Variants in CD37 observed in about 807,000 individuals in gnomAD.
CD37 encodes the protein CD37 molecule, also known as leukocyte antigen CD37.
A neutral mutation model predicts 38.9 loss-of-function variants in CD37; 37 were observed. The ratio of observed to expected loss-of-function variants is 0.95; its 90% CI spans 0.73 to 1.25. CD37 has a LOEUF of 1.25. Among genes scored for constraint, CD37 ranks in the 50% most tolerant of loss-of-function variants. CD37 has a pLI of 0.00. For synonymous variants in CD37, 146 were observed against 150.1 expected, an observed-to-expected ratio of 0.97 and a Z score of 0.20; for missense variants, 351 against 360.1, an observed-to-expected ratio of 0.97 and a Z score of 0.20.
Position 49,337,920 on chromosome 19 carries a change from C to T in CD37, c.343-5C>T, listed in dbSNP as rs1192463315. The stretch of plus-strand genomic sequence containing the variant: ...TAAGGCCCAGCCTCACTGGTGGCCT[C>T]TCAGCTGGAGCGAAGCTTGCGGGAC... On this transcript the variant is annotated splice_region_variant and splice_polypyrimidine_tract_variant and intron_variant, in intron 4 of 7. Coordinates refer to ENST00000323906, the MANE Select transcript of CD37 (RefSeq NM_001774.3). 6.2e-7 allele frequency: 1 copy of T among 1,614,050 alleles called. No individual in the cohort carries two copies. The highest frequency in any genetic ancestry group is 1.7e-5 in the Admixed American group (1 of 60,010).
In CD37 at chr19:49,339,013, G is replaced by A. The variant is rs1971076075; in HGVS notation, c.684+77G>A. 8.3e-7 allele frequency: 1 copy of A among 1,201,732 alleles called. No individual in the cohort carries two copies. The highest frequency in any genetic ancestry group is 1.2e-6 in the Non-Finnish European group (1 of 823,820). The allele number at this position is 1,201,732 out of a possible 1,614,324, so 74.4% of individuals were successfully genotyped here. ...AGGGGGAGGGCTGTCAGTGAGTAGC[G>A]GCCTGAGAAAGGGCGGGGTCTACGA... On this transcript the variant is annotated intron_variant, in intron 6 of 7. Transcript: ENST00000323906. The surrounding 1 kb of genome is among the most constrained non-coding windows in gnomAD (Gnocchi z 4.5).
intron 7 of CD37, chr19:49,340,019 C>T: frequency 6.8e-7 from 1 of 1,473,018 alleles, no homozygotes; most frequent in Non-Finnish European, 9.0e-7. Context: ...GGGCTTGCTT[C>T]CGACCTTACT....
intron 7 of CD37, 56 bp from the exon 8 acceptor site, chr19:49,340,194 AC>A: frequency 2.0e-6 from 3 of 1,529,216 alleles, no homozygotes. Context: ...GGTGGGCATC[AC>A]CCCCGTCTCG....
chr19:49,335,669 T>C lies in CD37; in HGVS notation c.70-45T>C. The C allele has an allele frequency of 6.2e-7, 1 of 1,611,380 alleles. No individual in the cohort carries two copies. The highest frequency in any genetic ancestry group is 8.5e-7 in the Non-Finnish European group (1 of 1,177,620). ...GCCCCTGCCGCTAACCCAGCCCTCA[T>C]CTTCCCCTGTGGCCCACCCCCGTAT... On this transcript the variant is annotated intron_variant, in intron 1 of 7. Transcript: ENST00000323906. The surrounding 1 kb of genome is among the most constrained non-coding windows in gnomAD (Gnocchi z 4.6).
rs1367786358 is a variant in CD37 at position 49,338,914 on chromosome 19, CAG to C, written c.667_668del (p.Ser223ProfsTer82). The stretch of plus-strand genomic sequence containing the variant: ...AGTGCAGACATCTGCGCTGTCCCTG[CAG>C]AGAGCCACATCTACCGCGAGGTGGG... On this transcript the variant is annotated frameshift_variant, in exon 6 of 8. Transcript: ENST00000323906. LOFTEE classifies it high-confidence loss of function. This position sits in a 1 kb window ranked among gnomAD's most constrained non-coding sequence, Gnocchi z 5.0. 3 of 1,613,670 alleles carry C rather than the reference CAG, an allele frequency of 1.9e-6. No individual in the cohort carries two copies. The highest frequency in any genetic ancestry group is 2.5e-6 in the Non-Finnish European group (3 of 1,179,724).
rs1260415664 is a variant in CD37, at chr19:49,340,441, A to G, written c.*113A>G. The G allele has an allele frequency of 2.9e-4, 234 of 794,824 alleles. No individual in the cohort carries two copies. The East Asian group carries it at 5.9e-3, about 20-fold the overall frequency. 49.2% of individuals were successfully genotyped at this position (794,824 alleles called of 1,614,324 possible). On this transcript the variant is annotated 3_prime_UTR_variant, in exon 8 of 8. Coordinates refer to ENST00000323906, the MANE Select transcript of CD37 (RefSeq NM_001774.3). ...TTCGCCTGGAGCCCTCCGCCTTCAC[A>G]TTCCCCTGGGGACCCACGTGGCTGC...
At chr19:49,336,085 T>C in intron 2 of CD37, 2 of 465,554 alleles carry the variant, frequency 4.3e-6, no homozygotes, top group Non-Finnish European at 3.9e-6. Flanking sequence ...GGGAAGCCCC[T>C]TGATGGATGT....
In CD37 at chr19:49,339,484, C is replaced by G; in HGVS notation, c.768+71C>G. 6.4e-7 allele frequency: 1 copy of G among 1,553,602 alleles called. No individual in the cohort carries two copies. Among genetic ancestry groups the G allele is most frequent in the Non-Finnish European group, 8.8e-7 (1 of 1,135,544 alleles). On this transcript the variant is annotated intron_variant, in intron 7 of 7. Transcript: ENST00000323906. This position sits in a 1 kb window ranked among gnomAD's most constrained non-coding sequence, Gnocchi z 4.5. ...ATGGCCCTGCCCTTCATTTCGCGTC[C>G]TTCGGTTGCCTGGGAAGGACGAGCT...
intron 2 of CD37, chr19:49,336,109 C>A (rs546741342): frequency 2.6e-6 from 1 of 390,602 alleles, no homozygotes; most frequent in South Asian, 4.4e-5. Context: ...ACAGCAAGGA[C>A]GTAAAAGAGC....
intron 7 of CD37, 102 bp from the exon 8 acceptor site, chr19:49,340,149 C>A: frequency 1.3e-6 from 2 of 1,511,672 alleles, no homozygotes; most frequent in Non-Finnish European, 1.8e-6. Context: ...CCTTCCCGCC[C>A]AATTCACGGC....
intron 2 of CD37, chr19:49,336,667 A>C: frequency 2.1e-6 from 1 of 482,704 alleles, no homozygotes; most frequent in Non-Finnish European, 3.7e-6. Context: ...GGGGACGAGG[A>C]GGAGCTGAAG....
At position 49,338,316 on chromosome 19, in the gene CD37, C is replaced by T; in HGVS notation, c.447+287C>T. On this transcript the variant is annotated intron_variant, in intron 5 of 7. Transcript: ENST00000323906. The surrounding 1 kb of genome is among the most constrained non-coding windows in gnomAD (Gnocchi z 5.0). ...CAGGCCCCTAGTCCCAAGACCCTAG[C>T]GAGACACGGCTTCCTACCCCGTAGT... The T allele has an allele frequency of 1.3e-6, 1 of 752,260 alleles. No individual in the cohort carries two copies. Among genetic ancestry groups the T allele is most frequent in the Non-Finnish European group, 2.0e-6 (1 of 490,556 alleles). 46.6% of individuals were successfully genotyped at this position (752,260 alleles called of 1,614,324 possible).
In CD37 at chr19:49,338,988, A is replaced by G. The variant is rs1600677772; in HGVS notation, c.684+52A>G. 2 of 1,005,302 alleles carry G rather than the reference A, an allele frequency of 2.0e-6. No individual in the cohort carries two copies. The highest frequency in any genetic ancestry group is 2.9e-6 in the Non-Finnish European group (2 of 689,582). The allele number at this position is 1,005,302 out of a possible 1,614,324, so 62.3% of individuals were successfully genotyped here. On this transcript the variant is annotated intron_variant, in intron 6 of 7. Transcript: ENST00000323906. This position sits in a 1 kb window ranked among gnomAD's most constrained non-coding sequence, Gnocchi z 5.0. ...TGTCGAATGGGGCGGGGCCTGCGGG[A>G]GGGGGAGGGCTGTCAGTGAGTAGCG...
In CD37 at chr19:49,338,790, T is replaced by G. The variant is rs1386910060; in HGVS notation, c.538T>G (p.Ser180Ala). The change falls in exon 6 of 8, where the codon TCC (serine) becomes GCC (alanine). Residue 180 changes from serine to alanine, a missense_variant. By Grantham distance (99) the Ser-to-Ala change is moderately conservative. Transcript: ENST00000323906. This position sits in a 1 kb window ranked among gnomAD's most constrained non-coding sequence, Gnocchi z 5.0. Reference sequence around the variant, plus strand: ...GTCGGAGGCGCACCGCGTGCCCTGCTCCTGCTACAACTTGTCGGCGACCAA... The same window carrying G: ...GTCGGAGGCGCACCGCGTGCCCTGCGCCTGCTACAACTTGTCGGCGACCAA... ...NGSEAHRVPC[S>A]CYNLSATNDS... 1 of 1,613,970 alleles carries G rather than the reference T, an allele frequency of 6.2e-7. No homozygotes were observed. The highest frequency in any genetic ancestry group is 1.7e-5 in the Admixed American group (1 of 60,024).
chr19:49,339,542 G>A lies in CD37; in HGVS notation c.768+129G>A. The A allele has an allele frequency of 6.7e-7, 1 of 1,483,514 alleles. No individual in the cohort carries two copies. Among genetic ancestry groups the A allele is most frequent in the Non-Finnish European group, 9.0e-7 (1 of 1,105,200 alleles). The allele number at this position is 1,483,514 out of a possible 1,614,324, so 91.9% of individuals were successfully genotyped here. ...GAGCGCAGCCCACCCCGGCCCTCCC[G>A]CCGCTCCACCCAGCACCGGAGGGTG... is the stretch of plus-strand genomic sequence containing the variant. On this transcript the variant is annotated intron_variant, in intron 7 of 7. Coordinates refer to ENST00000323906, the MANE Select transcript of CD37 (RefSeq NM_001774.3). The surrounding 1 kb of genome is among the most constrained non-coding windows in gnomAD (Gnocchi z 4.5).
At chr19:49,337,792 A>T in intron 4 of CD37, 133 bp from the exon 5 acceptor site, 2 of 1,548,940 alleles carry the variant, frequency 1.3e-6, no homozygotes, top group Non-Finnish European at 1.7e-6. Flanking sequence ...CCTGAAGTAC[A>T]CAGAGCTAGC....
At position 49,339,421 on chromosome 19, in the gene CD37, G is replaced by C; in HGVS notation, c.768+8G>C. On this transcript the variant is annotated splice_region_variant and intron_variant, in intron 7 of 7. Transcript: ENST00000323906. The surrounding 1 kb of genome is among the most constrained non-coding windows in gnomAD (Gnocchi z 4.5). ...GGCGTCGGCCTACTCGAGGTGATCT[G>C]GCCCCGCCCCCACCCGCGATCGGCC... 6.2e-7 allele frequency: 1 copy of C among 1,612,512 alleles called. No individual in the cohort carries two copies. The highest frequency in any genetic ancestry group is 2.2e-5 in the East Asian group (1 of 44,874).
intron 2 of CD37, chr19:49,336,679 A>C: frequency 2.0e-6 from 1 of 506,028 alleles, no homozygotes; most frequent in Non-Finnish European, 3.6e-6. Context: ...GAGCTGAAGG[A>C]GGAAGGAGAG....
In CD37 at chr19:49,340,274, AT is replaced by A. The variant is rs1255345117; in HGVS notation, c.794del (p.Phe265SerfsTer103). The A allele has an allele frequency of 6.2e-7, 1 of 1,613,668 alleles. No homozygotes were observed. Among genetic ancestry groups the A allele is most frequent in the South Asian group, 1.1e-5 (1 of 91,066 alleles). On this transcript the variant is annotated frameshift_variant, in exon 8 of 8. Transcript: ENST00000323906. LOFTEE classifies it high-confidence loss of function. Reference sequence around the variant, plus strand: ...AGCTCGGGTTCATGACGCTCTCGATATTCCTGTGCAGAAACCTGGACCACGT... The same window carrying A: ...AGCTCGGGTTCATGACGCTCTCGATATCCTGTGCAGAAACCTGGACCACGT... ...LELGFMTLSIFLCRNLDHVYN... is the reference protein window; with the variant it reads ...LELGFMTLSIXLCRNLDHVYN...
Sources: gnomAD v4.1 joint callset for allele counts on GRCh38, gnomAD v4.1.1 for gene constraint, Gnocchi (gnomAD v3.1) non-coding constraint, MANE v1.5 for transcripts, NCBI Gene and HGNC (gene_info 2026-07-23, HGNC 2026-07-21) for gene names.